Variants in STK10 observed in about 807,000 individuals in gnomAD.
STK10 encodes serine/threonine-protein kinase 10.
Under a neutral mutation model 113.8 loss-of-function variants are expected in STK10, and 78 were observed. The ratio of observed to expected loss-of-function variants is 0.69; its 90% CI spans 0.57 to 0.83. STK10 has a LOEUF of 0.83. Ranked by LOEUF, STK10 falls within the 40% of genes least tolerant of loss-of-function variation. The pLI is 0.00. For synonymous variants in STK10, 465 were observed against 494.7 expected (o/e 0.94, Z 0.80); for missense variants, 1,109 against 1,280.1 (o/e 0.87, Z 2.04).
chr5:172,135,327 C>G lies in STK10; in HGVS notation c.322-7906G>C, dbSNP rs115256150. On this transcript the variant is annotated intron_variant, in intron 2 of 18. Coordinates refer to ENST00000176763, the MANE Select transcript of STK10 (RefSeq NM_005990.4). Reference sequence around the variant, plus strand: ...CAGGAGTTTGAGACAGCCTGGCCGACATAGTGAAACCCTGTCTCTAATAAA... The same window carrying G: ...CAGGAGTTTGAGACAGCCTGGCCGAGATAGTGAAACCCTGTCTCTAATAAA... 3.0e-3 allele frequency among the ~76,000 whole-genome samples: 449 copies of G among 152,160 alleles called. 3 individuals carry two copies. Among genetic ancestry groups the G allele is most frequent in the African/African-American group, 0.01 (432 of 41,534 alleles).
At chr5:172,081,375 C>T (rs1287368148) in intron 12 of STK10, among the ~76,000 whole-genome samples, 2 of 145,526 alleles carry the variant, frequency 1.4e-5, no homozygotes, top group Non-Finnish European at 3.0e-5. Flanking sequence ...AAAAAAAAAT[C>T]AGGCTAAATC....
At chr5:172,095,620 C>T (rs73321853) in intron 8 of STK10, among the ~76,000 whole-genome samples, 12,144 of 152,308 alleles carry the variant, frequency 0.08, 1,621 homozygotes, top group African/African-American at 0.28. Context: ...GCTTGCCCTG[C>T]CCTTCGGGCT....
At chr5:172,132,815 G>A (rs975735601) in intron 2 of STK10, among the ~76,000 whole-genome samples, 1 of 152,146 alleles carries the variant, frequency 6.6e-6, no homozygotes, top group African/African-American at 2.4e-5. Flanking sequence ...CAAGCCTGGG[G>A]ACTGAGGACC....
intron 10 of STK10, among the ~76,000 whole-genome samples, chr5:172,086,184 T>C (rs1042302102): frequency 5.9e-5 from 9 of 152,180 alleles, no homozygotes; most frequent in African/African-American, 1.9e-4. Context: ...ACGTGGCACA[T>C]GACCAGCACT....
At chr5:172,048,347 A>G (rs1284836436) in intron 18 of STK10, among the ~76,000 whole-genome samples, 1 of 151,564 alleles carries the variant, frequency 6.6e-6, no homozygotes, top group East Asian at 1.9e-4. Context: ...TTTCAGACTT[A>G]CCAGCCCCCA....
chr5:172,048,350 AG>A (rs1381261745), intron 18 of STK10, among the ~76,000 whole-genome samples: 1 of 150,970 alleles, frequency 6.6e-6, no homozygotes, highest in African/African-American at 2.4e-5. Flanking sequence ...CAGACTTACC[AG>A]CCCCCACAAT....
intron 3 of STK10, among the ~76,000 whole-genome samples, chr5:172,121,822 T>C (rs1769517137): frequency 6.6e-6 from 1 of 152,076 alleles, no homozygotes; most frequent in Non-Finnish European, 1.5e-5. Flanking sequence ...TACCTTGGTT[T>C]CCCAAAGTGT....
chr5:172,048,027 C>CA (rs1767532811), intron 18 of STK10, among the ~76,000 whole-genome samples: 1 of 151,952 alleles, frequency 6.6e-6, no homozygotes, highest in Non-Finnish European at 1.5e-5. Flanking sequence ...CTCAGCCCCC[C>CA]ATGTAGCTGG....
intron 1 of STK10, among the ~76,000 whole-genome samples, chr5:172,167,580 C>T (rs1007771761): frequency 6.6e-6 from 1 of 152,170 alleles, no homozygotes. Context: ...TAGAGAGAGA[C>T]CACTTCATCT....
At chr5:172,065,681 G>A (rs1384412769) in intron 12 of STK10, among the ~76,000 whole-genome samples, 2 of 152,156 alleles carry the variant, frequency 1.3e-5, no homozygotes, top group Non-Finnish European at 2.9e-5. Flanking sequence ...AGATAAGCAC[G>A]TGACCCTCAC....
chr5:172,120,131 C>T lies in STK10; in HGVS notation c.371-2501G>A, dbSNP rs906103151. Among the ~76,000 whole-genome samples the T allele has an allele frequency of 9.9e-5, 15 of 152,108 alleles. No homozygotes were observed. The highest frequency in any genetic ancestry group is 3.1e-4 in the African/African-American group (13 of 41,424). The stretch of plus-strand genomic sequence containing the variant: ...CACAGGACTGTCCTGATTGAGTCAA[C>T]GTAGCTACCCAAGACCCCTGTGACC... On this transcript the variant is annotated intron_variant, in intron 3 of 18. Coordinates refer to ENST00000176763, the MANE Select transcript of STK10 (RefSeq NM_005990.4). This position sits in a 1 kb window ranked among gnomAD's most constrained non-coding sequence, Gnocchi z 4.0.
intron 4 of STK10, among the ~76,000 whole-genome samples, chr5:172,112,671 G>A (rs991498717): frequency 1.3e-5 from 2 of 150,812 alleles, no homozygotes; most frequent in South Asian, 2.1e-4. Context: ...CGCCCACCTC[G>A]GCCTCCCAAA....
intron 14 of STK10, among the ~76,000 whole-genome samples, chr5:172,059,434 C>CA (rs58446505): frequency 0.03 from 1,694 of 56,118 alleles, 51 homozygotes; most frequent in African/African-American, 0.051. Flanking sequence ...CTCTCCATCT[C>CA]AAAAAAAAAA....
chr5:172,157,571 T>G (rs961788884), intron 1 of STK10, among the ~76,000 whole-genome samples: 1 of 152,090 alleles, frequency 6.6e-6, no homozygotes, highest in Non-Finnish European at 1.5e-5. Flanking sequence ...AAAAAACATT[T>G]TTTTAAATCT....
intron 3 of STK10, among the ~76,000 whole-genome samples, chr5:172,124,306 G>A (rs1769575867): frequency 6.6e-6 from 1 of 152,128 alleles, no homozygotes; most frequent in South Asian, 2.1e-4. Flanking sequence ...AGTTATTTGT[G>A]CAAATAAATT....
intron 1 of STK10, among the ~76,000 whole-genome samples, chr5:172,161,680 G>GCAGTGCTGCTTATATGTGT (rs1158801686): frequency 1.3e-5 from 2 of 152,256 alleles, no homozygotes; most frequent in African/African-American, 4.8e-5. Context: ...GCAGCACTAG[G>GCAGTGCTGCTTATATGTGT]CAGTGCTGCT....
At chr5:172,107,399 G>C (rs1176230408) in intron 5 of STK10, among the ~76,000 whole-genome samples, 1 of 152,140 alleles carries the variant, frequency 6.6e-6, no homozygotes, top group Non-Finnish European at 1.5e-5. Flanking sequence ...TTCACATGAC[G>C]GTAGGAATTG....
chr5:172,105,347 C>T (rs1403522170), intron 7 of STK10, among the ~76,000 whole-genome samples: 1 of 152,108 alleles, frequency 6.6e-6, no homozygotes, highest in African/African-American at 2.4e-5. Context: ...GGCGCCCCAC[C>T]CCTGCACTGT....
intron 18 of STK10, among the ~76,000 whole-genome samples, chr5:172,048,989 G>A (rs909505490): frequency 2.5e-4 from 38 of 152,078 alleles, no homozygotes; most frequent in South Asian, 2.1e-4. Context: ...ACGGCTGCAC[G>A]CCTCCCTCCC....
Sources: gnomAD v4.1 joint callset for allele counts (sites outside exome capture counted in the v4.1 genomes callset) on GRCh38, gnomAD v4.1.1 for gene constraint, Gnocchi (gnomAD v3.1) non-coding constraint, MANE v1.5 for transcripts, NCBI Gene and HGNC (gene_info 2026-07-23, HGNC 2026-07-21) for gene names.